Variants in PHACTR1 observed in about 807,000 individuals in gnomAD.
The protein encoded by PHACTR1 is RPEL repeat containing 1.
In PHACTR1, 16 loss-of-function variants were observed where a neutral mutation model predicts 69.2. The observed-to-expected ratio is 0.23, with a 90% confidence interval of 0.16 to 0.35. The LOEUF (loss-of-function observed/expected upper bound fraction) is 0.35. Among genes scored for constraint, PHACTR1 ranks in the 10% least tolerant of loss-of-function variants. The pLI, the probability that PHACTR1 is intolerant of heterozygous loss-of-function variation, is 1.00. For synonymous variants in PHACTR1, 312 were observed against 284.5 expected (o/e 1.10, Z -0.97); for missense variants, 510 against 734.7 (o/e 0.69, Z 3.54).
At position 13,151,730 on chromosome 6, in the gene PHACTR1, T is replaced by A. The variant is rs370757146; in HGVS notation, c.416-8474T>A. On this transcript the variant is annotated intron_variant, in intron 5 of 14. Coordinates refer to ENST00000332995, the MANE Select transcript of PHACTR1 (RefSeq NM_030948.6). ...CATGCATAGAATGATTTCATTTATG[T>A]TTTTAAAATGGTATTTGTATATGGT... Among the ~76,000 whole-genome samples, 109 of 152,282 alleles carry A rather than the reference T, an allele frequency of 7.2e-4. 1 individual carries two copies. The East Asian group carries it at 0.015, about 21-fold the overall frequency.
chr6:12,729,646 C>T lies in PHACTR1; in HGVS notation c.103+10799C>T, dbSNP rs773411675. Among the ~76,000 whole-genome samples the T allele has an allele frequency of 9.7e-4, 147 of 152,252 alleles. 1 individual carries two copies. The Middle Eastern group carries it at 0.02, about 21-fold the overall frequency. ...AGGAATCCCAAAGCTGATACTGAATCCACTAAAGCAGCGAATACAGAGGAG... is the reference window on the plus strand; with the variant it reads ...AGGAATCCCAAAGCTGATACTGAATTCACTAAAGCAGCGAATACAGAGGAG... On this transcript the variant is annotated intron_variant, in intron 3 of 14. Coordinates refer to ENST00000332995, the MANE Select transcript of PHACTR1 (RefSeq NM_030948.6).
At chr6:13,189,340 C>A (rs1763202780) in intron 7 of PHACTR1, among the ~76,000 whole-genome samples, 1 of 152,006 alleles carries the variant, frequency 6.6e-6, no homozygotes, top group African/African-American at 2.4e-5. Context: ...TTTTTGACTC[C>A]AGAATCCTCA....
chr6:12,776,291 T>C (rs565578067), intron 4 of PHACTR1, among the ~76,000 whole-genome samples: 40 of 152,354 alleles, frequency 2.6e-4, no homozygotes, highest in African/African-American at 9.4e-4. Flanking sequence ...TCTGTTGTCT[T>C]AACACACTCC....
Position 12,929,858 on chromosome 6 carries a change from A to G in PHACTR1, c.251-123507A>G, listed in dbSNP as rs530595712. On this transcript the variant is annotated intron_variant, in intron 4 of 14. Coordinates refer to ENST00000332995, the MANE Select transcript of PHACTR1 (RefSeq NM_030948.6). ...ATTTTAATTTTCTATGAATGCCTTC[A>G]TGGCACTTCCTGCTTGCGTAACCAT... Among the ~76,000 whole-genome samples the G allele has an allele frequency of 2.0e-5, 3 of 152,202 alleles. No homozygotes were observed. The East Asian group carries it at 5.8e-4, about 29-fold the overall frequency.
At chr6:12,751,383 T>G (rs987996827) in intron 4 of PHACTR1, among the ~76,000 whole-genome samples, 30 of 152,242 alleles carry the variant, frequency 2.0e-4, no homozygotes, top group Non-Finnish European at 4.3e-4. Context: ...AGATTCAGCG[T>G]ATGGTTGTGA....
At chr6:12,972,654 CTTT>C (rs763016264) in intron 4 of PHACTR1, among the ~76,000 whole-genome samples, 7 of 22,310 alleles carry the variant, frequency 3.1e-4, no homozygotes, top group African/African-American at 4.6e-4. Flanking sequence ...TTCTTTCTTT[CTTT>C]TTTTTTTTTT....
intron 8 of PHACTR1, among the ~76,000 whole-genome samples, chr6:13,212,795 C>T (rs1767069440): frequency 6.6e-6 from 1 of 152,150 alleles, no homozygotes; most frequent in South Asian, 2.1e-4. Context: ...ACTGCCCTTC[C>T]CTCAAATATC....
intron 4 of PHACTR1, among the ~76,000 whole-genome samples, chr6:12,893,963 A>G (rs1784398865): frequency 6.6e-6 from 1 of 152,224 alleles, no homozygotes; most frequent in African/African-American, 2.4e-5. Context: ...GCTGATGATT[A>G]CATGTCTGTC....
Position 12,844,121 on chromosome 6 carries a change from G to A in PHACTR1, c.250+94331G>A, listed in dbSNP as rs141236950. 4.2e-3 allele frequency among the ~76,000 whole-genome samples: 640 copies of A among 152,240 alleles called. 4 individuals carry two copies. The highest frequency in any genetic ancestry group is 0.015 in the African/African-American group (611 of 41,546). On this transcript the variant is annotated intron_variant, in intron 4 of 14. Transcript: ENST00000332995. Reference sequence around the variant, plus strand: ...AAATTTAACAAGAATCAGGCCAAGCGCAGTGGCTCATACCTATAATCCCAG... The same window carrying A: ...AAATTTAACAAGAATCAGGCCAAGCACAGTGGCTCATACCTATAATCCCAG...
chr6:12,763,215 AAACAACAACAACAACAACAACAAC>A (rs71701647), intron 4 of PHACTR1, among the ~76,000 whole-genome samples: 3 of 149,990 alleles, frequency 2.0e-5, no homozygotes, highest in African/African-American at 4.9e-5. Flanking sequence ...TCCGTCTCAA[AAACAACAACAACAACAACAACAAC>A]AACAACAACA....
At chr6:13,278,413 C>CA in intron 12 of PHACTR1, 84 bp downstream of exon 12, 1 of 1,281,316 alleles carries the variant, frequency 7.8e-7, no homozygotes, top group Non-Finnish European at 1.1e-6. Context: ...CCTCAGTGGC[C>CA]TCACCGCTGC....
intron 4 of PHACTR1, among the ~76,000 whole-genome samples, chr6:12,797,948 A>G (rs1413631116): frequency 6.6e-6 from 1 of 151,826 alleles, no homozygotes; most frequent in Non-Finnish European, 1.5e-5. Context: ...TGCATTACAT[A>G]TTTATGATAC....
chr6:12,876,153 G>T lies in PHACTR1; in HGVS notation c.250+126363G>T, dbSNP rs567956083. ...ACACCTTTGTACCACTTAGGAAAAGGTGCCTCTCTGCAGGACACAGGGCTT... is the reference window on the plus strand; with the variant it reads ...ACACCTTTGTACCACTTAGGAAAAGTTGCCTCTCTGCAGGACACAGGGCTT... On this transcript the variant is annotated intron_variant, in intron 4 of 14. Transcript: ENST00000332995. 2.0e-5 allele frequency among the ~76,000 whole-genome samples: 3 copies of T among 152,286 alleles called. No homozygotes were observed. The East Asian group carries it at 5.8e-4, about 29-fold the overall frequency.
At chr6:13,165,188 A>G (rs2113586691) in intron 6 of PHACTR1, among the ~76,000 whole-genome samples, 1 of 152,330 alleles carries the variant, frequency 6.6e-6, no homozygotes, top group East Asian at 1.9e-4. Flanking sequence ...ATTTTCTACA[A>G]TATGATTGTT....
At chr6:12,745,517 T>A (rs1765667617) in intron 3 of PHACTR1, among the ~76,000 whole-genome samples, 1 of 152,064 alleles carries the variant, frequency 6.6e-6, no homozygotes, top group Non-Finnish European at 1.5e-5. Flanking sequence ...TATTCACACA[T>A]ATAAACAATC....
At chr6:12,781,977 A>C (rs1770887538) in intron 4 of PHACTR1, among the ~76,000 whole-genome samples, 1 of 152,052 alleles carries the variant, frequency 6.6e-6, no homozygotes. Flanking sequence ...CCCATCTGAC[A>C]CTCATTCCCG....
chr6:12,777,085 A>G (rs1770155076), intron 4 of PHACTR1, among the ~76,000 whole-genome samples: 1 of 152,198 alleles, frequency 6.6e-6, no homozygotes, highest in Admixed American at 6.5e-5. Flanking sequence ...TATGTTTAAT[A>G]TATCCGTGGA....
intron 3 of PHACTR1, among the ~76,000 whole-genome samples, chr6:12,742,169 G>A (rs1765137283): frequency 6.6e-6 from 1 of 152,184 alleles, no homozygotes; most frequent in Non-Finnish European, 1.5e-5. Context: ...TACTGGCAGA[G>A]GCATGGGCCA....
At chr6:12,778,910 C>G (rs1770443542) in intron 4 of PHACTR1, among the ~76,000 whole-genome samples, 1 of 152,242 alleles carries the variant, frequency 6.6e-6, no homozygotes, top group Non-Finnish European at 1.5e-5. Context: ...CCTGCAGACA[C>G]AGCCCCAAGC....
Sources: gnomAD v4.1 joint callset for allele counts (sites outside exome capture counted in the v4.1 genomes callset) on GRCh38, gnomAD v4.1.1 for gene constraint, MANE v1.5 for transcripts, NCBI Gene and HGNC (gene_info 2026-07-23, HGNC 2026-07-21) for gene names.